CHD1L: variants seen among roughly 807,000 people sequenced by gnomAD.
CHD1L encodes the protein chromodomain helicase DNA binding protein 1 like.
Under a neutral mutation model 115.9 loss-of-function variants are expected in CHD1L, and 118 were observed. That is an observed-to-expected ratio of 1.02 (90% CI 0.88 to 1.19). CHD1L has a LOEUF of 1.19. CHD1L is among the 50% of genes most tolerant of loss of function. The probability of loss-of-function intolerance (pLI) is 0.00; values close to 1 mark genes in which losing one functional copy is unlikely to be tolerated. For synonymous variants in CHD1L, 411 were observed against 387.1 expected (o/e 1.06, Z -0.72); for missense variants, 1,179 against 1,065.3 (o/e 1.11, Z -1.49).
intron 1 of CHD1L, among the ~76,000 whole-genome samples, chr1:147,244,173 GAA>G (rs1273177234): frequency 1.3e-5 from 2 of 152,234 alleles, no homozygotes; most frequent in Non-Finnish European, 2.9e-5. Flanking sequence ...AGAGGGCTCA[GAA>G]AAGTGTGCCA....
chr1:147,279,584 T>G (rs1553960312), intron 14 of CHD1L, among the ~76,000 whole-genome samples: 1 of 152,172 alleles, frequency 6.6e-6, no homozygotes, highest in African/African-American at 2.4e-5. Context: ...CAGTTCATGA[T>G]AGAGGTAAAG....
chr1:147,185,119 T>C, the CHD1L span, among the ~76,000 whole-genome samples: 4 of 151,846 alleles, frequency 2.6e-5, no homozygotes, highest in Non-Finnish European at 4.4e-5. Context: ...TGTTTTGAGT[T>C]CAATTTCTTG....
the CHD1L span, chr1:147,214,717 G>A: frequency 6.6e-6 from 1 of 151,886 alleles, no homozygotes; most frequent in Admixed American, 6.6e-5. Flanking sequence ...GAGCTGCAAC[G>A]TATAGATCTC....
At chr1:147,276,387 T>A in intron 14 of CHD1L, 130 bp downstream of exon 14, 1 of 858,828 alleles carries the variant, frequency 1.2e-6, no homozygotes, top group Non-Finnish European at 1.8e-6. Flanking sequence ...CCCTCACACC[T>A]GCCACAGTGC....
In CHD1L at chr1:147,295,536, T is replaced by C; in HGVS notation, c.*27T>C. On this transcript the variant is annotated 3_prime_UTR_variant, in exon 23 of 23. Transcript: ENST00000369258. ...AATTGGCCCAGCCTCAGATCCTGTC[T>C]TTAGCAACCAGCTAATATTTACCCA... The C allele has an allele frequency of 6.6e-7, 1 of 1,518,504 alleles. No homozygotes were observed. Among genetic ancestry groups the C allele is most frequent in the Non-Finnish European group, 9.1e-7 (1 of 1,097,978 alleles). The allele number at this position is 1,518,504 out of a possible 1,614,324, so 94.1% of individuals were successfully genotyped here.
chr1:147,249,696 G>T (rs587660339), intron 1 of CHD1L, among the ~76,000 whole-genome samples: 17 of 152,216 alleles, frequency 1.1e-4, no homozygotes, highest in African/African-American at 4.1e-4. Context: ...GAGCCACCGC[G>T]CCCGGCAATG....
chr1:147,194,697 G>C, the CHD1L span, among the ~76,000 whole-genome samples: 1 of 152,050 alleles, frequency 6.6e-6, no homozygotes, highest in African/African-American at 2.4e-5. Flanking sequence ...TTTTAGAGCA[G>C]GCCTGGTGGT....
At chr1:147,209,578 C>T in the CHD1L span, 1 of 153,740 alleles carries the variant, frequency 6.5e-6, no homozygotes, top group Non-Finnish European at 1.4e-5. Flanking sequence ...ATCTACTGTC[C>T]AAGAATATGT....
At chr1:147,239,055 T>TAA (rs1480184811), upstream of CHD1L, among the ~76,000 whole-genome samples, 2 of 152,296 alleles carry the variant, frequency 1.3e-5, no homozygotes, top group Admixed American at 1.3e-4. Context: ...GTCCAATTGA[T>TAA]AACGCCCAAA....
the CHD1L span, among the ~76,000 whole-genome samples, chr1:147,176,712 A>G: frequency 6.6e-6 from 1 of 152,196 alleles, no homozygotes; most frequent in African/African-American, 2.4e-5. Flanking sequence ...ATCTTCATTA[A>G]CTATGAATCT....
chr1:147,237,864 A>G (rs781982497), upstream of CHD1L, among the ~76,000 whole-genome samples: 5 of 152,204 alleles, frequency 3.3e-5, no homozygotes, highest in Middle Eastern at 3.2e-3. Context: ...CTGTCCTTTC[A>G]AGCAAAAAGA....
At chr1:147,177,349 G>A in the CHD1L span, among the ~76,000 whole-genome samples, 2 of 152,160 alleles carry the variant, frequency 1.3e-5, no homozygotes, top group African/African-American at 4.8e-5. Context: ...AGATCCATGA[G>A]TTCATACTGA....
chr1:147,288,347 G>GAAAAA (rs1304714956), intron 19 of CHD1L, among the ~76,000 whole-genome samples: 2 of 122,412 alleles, frequency 1.6e-5, no homozygotes, highest in East Asian at 4.7e-4. Context: ...AAAAAAAAAA[G>GAAAAA]AAAAAGAGAA....
the CHD1L span, among the ~76,000 whole-genome samples, chr1:147,196,530 CTA>C: frequency 6.6e-6 from 1 of 151,656 alleles, no homozygotes; most frequent in East Asian, 1.9e-4. Context: ...CCCTATCTGT[CTA>C]TATATAGATA....
chr1:147,295,757 TC>T lies in CHD1L; in HGVS notation c.*250del, dbSNP rs1467811162. ...AGTTGCATAATAATAAATTTTCTGTTCCTAATGGTTTTATTGCTTTCTTTCC... is the reference window on the plus strand; with the variant it reads ...AGTTGCATAATAATAAATTTTCTGTTCTAATGGTTTTATTGCTTTCTTTCC... On this transcript the variant is annotated 3_prime_UTR_variant, in exon 23 of 23. Transcript: ENST00000369258. 4.0e-6 allele frequency: 2 copies of T among 495,838 alleles called. No individual in the cohort carries two copies. The highest frequency in any genetic ancestry group is 4.0e-5 in the African/African-American group (2 of 49,662). 30.7% of individuals were successfully genotyped at this position (495,838 alleles called of 1,614,324 possible). A position where few individuals can be genotyped will look rare whatever the true frequency, so the allele number is the denominator to read the frequency against.
chr1:147,268,818 TGA>T lies in CHD1L; in HGVS notation c.1026_1027del (p.Thr343Ter), dbSNP rs1553950538. ...GAGCCTTTTGAAGTTGGAGACCACC[TGA>T]CTGAGGCTAGTGGGAAGCTTCACCT... On this transcript the variant is annotated frameshift_variant, in exon 10 of 23. Transcript: ENST00000369258. LOFTEE classifies it high-confidence loss of function. The T allele has an allele frequency of 6.8e-6, 11 of 1,613,624 alleles. No homozygotes were observed. The highest frequency in any genetic ancestry group is 8.5e-6 in the Non-Finnish European group (10 of 1,179,654).
chr1:147,190,382 C>T, the CHD1L span: 19 of 583,302 alleles, frequency 3.3e-5, 1 homozygote, highest in African/African-American at 3.4e-4. Context: ...GGTTACAATT[C>T]ACTTGATCAC....
chr1:147,285,336 G>T lies in CHD1L; in HGVS notation c.1867G>T (p.Gly623Cys). ...GTTCTTCCTCTAGGTTCTCATCCCA[G>T]GCCTTGTGGAGGGATCTACCAAAAG... ...LRNKGSVLIP[G>C]LVEGSTKRKR... The change falls in exon 17 of 23, where the codon GGC becomes TGC. Residue 623 changes from glycine (G) to cysteine (C), a missense_variant. Transcript: ENST00000369258. 6.2e-7 allele frequency: 1 copy of T among 1,612,400 alleles called. No individual in the cohort carries two copies. The highest frequency in any genetic ancestry group is 8.5e-7 in the Non-Finnish European group (1 of 1,179,536).
At position 147,286,406 on chromosome 1, in the gene CHD1L, C is replaced by T. The variant is rs141548764; in HGVS notation, c.2127C>T (p.Tyr709=). ...NGEESSAELD[Y]QDPDATSLKY... Reference sequence around the variant, plus strand: ...AAGAGAGCTCTGCTGAGCTGGATTACCAAGACCCAGATGCTACTTCCCTCA... The same window carrying T: ...AAGAGAGCTCTGCTGAGCTGGATTATCAAGACCCAGATGCTACTTCCCTCA... The change falls in exon 18 of 23, where the codon TAC becomes TAT. Residue 709 remains tyrosine, a synonymous_variant. Transcript: ENST00000369258. 1.5e-5 allele frequency: 25 copies of T among 1,614,036 alleles called. No homozygotes were observed. The African/African-American group carries it at 3.2e-4, about 21-fold the overall frequency.
Sources: gnomAD v4.1 joint callset for allele counts (sites outside exome capture counted in the v4.1 genomes callset) on GRCh38, gnomAD v4.1.1 for gene constraint, MANE v1.5 for transcripts, NCBI Gene and HGNC (gene_info 2026-07-23, HGNC 2026-07-21) for gene names.